GSE1: variants seen among roughly 807,000 people sequenced by gnomAD.
GSE1 encodes the protein Gse1 coiled-coil protein.
In GSE1, 32 loss-of-function variants were observed where a neutral mutation model predicts 112.6. The observed-to-expected ratio is 0.28, with a 90% CI of 0.21 to 0.38. The LOEUF (loss-of-function observed/expected upper bound fraction) is 0.38. GSE1 is among the 10% of genes least tolerant of loss of function. The pLI, the probability that GSE1 is intolerant of heterozygous loss-of-function variation, is 1.00. For synonymous variants in GSE1, 1,115 were observed against 735.6 expected, an observed-to-expected ratio of 1.52 and a Z score of -8.35; for missense variants, 2,348 against 1,699.2, an observed-to-expected ratio of 1.38 and a Z score of -6.71.
intron 1 of GSE1, among the ~76,000 whole-genome samples, chr16:85,279,639 G>A (rs916848223): frequency 3.9e-5 from 6 of 152,104 alleles, no homozygotes; most frequent in African/African-American, 1.2e-4. Context: ...ATCAAACAGT[G>A]ATGTAGCTCT....
intron 1 of GSE1, among the ~76,000 whole-genome samples, chr16:85,302,448 G>GCCCC (rs55673103): frequency 6.7e-6 from 1 of 149,586 alleles, no homozygotes; most frequent in African/African-American, 2.5e-5. Flanking sequence ...ACAGCACACC[G>GCCCC]CCCCCCCCCG....
intron 2 of GSE1, among the ~76,000 whole-genome samples, chr16:85,428,543 A>C (rs1015800541): frequency 6.6e-6 from 1 of 152,200 alleles, no homozygotes; most frequent in African/African-American, 2.4e-5. Context: ...CACTGCTAGC[A>C]GTTTATTCCC....
chr16:85,578,333 G>A (rs1335788792), intron 1 of GSE1, among the ~76,000 whole-genome samples: 2 of 152,106 alleles, frequency 1.3e-5, no homozygotes, highest in African/African-American at 2.4e-5. Flanking sequence ...TGTCCCGAAC[G>A]CCAGGCTCCA....
At chr16:85,604,743 A>AC in intron 1 of GSE1, among the ~76,000 whole-genome samples, 2 of 744 alleles carry the variant, frequency 2.7e-3, no homozygotes, top group Non-Finnish European at 7.8e-3. Context: ...AGATTCTGTC[A>AC]AAAAAAAAAA....
At chr16:85,563,976 C>G (rs1311118161) in intron 1 of GSE1, among the ~76,000 whole-genome samples, 1 of 152,238 alleles carries the variant, frequency 6.6e-6, no homozygotes, top group Non-Finnish European at 1.5e-5. Flanking sequence ...CTCCCCTTCC[C>G]AAGCACCTCC....
chr16:85,337,509 G>T (rs1230647749), intron 1 of GSE1, among the ~76,000 whole-genome samples: 1 of 151,846 alleles, frequency 6.6e-6, no homozygotes, highest in East Asian at 1.9e-4. Context: ...GTTTCACCGT[G>T]TTAGCCAGGA....
Position 85,334,767 on chromosome 16 carries a change from C to T in GSE1, c.2284-22696C>T, listed in dbSNP as rs763064755. On this transcript the variant is annotated intron_variant, in intron 1 of 2. Transcript: ENST00000637419. ...GCCACCCCAAAATATACTTCATCAG[C>T]GTATTCACTGCCGGTTATTCTGAGA... is the stretch of plus-strand genomic sequence containing the variant. Among the ~76,000 whole-genome samples the T allele has an allele frequency of 8.5e-5, 13 of 152,318 alleles. No homozygotes were observed. The East Asian group carries it at 1.5e-3, about 18-fold the overall frequency.
chr16:85,517,142 C>T (rs888721905), intron 2 of GSE1, among the ~76,000 whole-genome samples: 2 of 152,062 alleles, frequency 1.3e-5, no homozygotes, highest in Non-Finnish European at 2.9e-5. Context: ...CTTCTGCCTT[C>T]GTTGTGGGCA....
At chr16:85,505,704 A>C (rs1260749925) in intron 2 of GSE1, among the ~76,000 whole-genome samples, 1 of 151,910 alleles carries the variant, frequency 6.6e-6, no homozygotes, top group Non-Finnish European at 1.5e-5. Flanking sequence ...TCTTCTGGAA[A>C]CTCTGCCTCC....
At chr16:85,366,449 C>T (rs1166684141) in intron 2 of GSE1, among the ~76,000 whole-genome samples, 1 of 152,264 alleles carries the variant, frequency 6.6e-6, no homozygotes, top group Admixed American at 6.5e-5. Flanking sequence ...ATCTATTTAT[C>T]TTCTCTGGAA....
chr16:85,671,439 C>CA (rs1159665909), intron 15 of GSE1, among the ~76,000 whole-genome samples: 2,577 of 61,270 alleles, frequency 0.042, 220 homozygotes, highest in African/African-American at 0.15. Context: ...GACTCCGTCT[C>CA]AAAAAAAAAA....
At chr16:85,563,070 G>T (rs1244005362) in intron 1 of GSE1, among the ~76,000 whole-genome samples, 1 of 152,178 alleles carries the variant, frequency 6.6e-6, no homozygotes, top group Non-Finnish European at 1.5e-5. Flanking sequence ...TGGTCTAGCT[G>T]CAGGATCAGC....
At position 85,373,710 on chromosome 16, in the gene GSE1, G is replaced by A. The variant is rs1203668354; in HGVS notation, c.2464+16067G>A. On this transcript the variant is annotated intron_variant, in intron 2 of 2. Coordinates refer to the GSE1 transcript ENST00000637419. This position sits in a 1 kb window ranked among gnomAD's most constrained non-coding sequence, Gnocchi z 5.1. The stretch of plus-strand genomic sequence containing the variant: ...ATTCTGGAGTGAACAGGTGTGTGGC[G>A]GGTGGGTGGAGGGACGAAAGGGCGA... Among the ~76,000 whole-genome samples, 10 of 152,142 alleles carry A rather than the reference G, an allele frequency of 6.6e-5. No individual in the cohort carries two copies. The highest frequency in any genetic ancestry group is 2.2e-4 in the African/African-American group (9 of 41,422).
chr16:85,199,513 A>G (rs531409571), intron 1 of GSE1, among the ~76,000 whole-genome samples: 282 of 152,358 alleles, frequency 1.9e-3, no homozygotes, highest in African/African-American at 6.6e-3. Flanking sequence ...CAGAGTGTCC[A>G]GCTGCGTTTA....
At chr16:85,506,772 G>A (rs910289179) in intron 2 of GSE1, among the ~76,000 whole-genome samples, 11 of 151,160 alleles carry the variant, frequency 7.3e-5, no homozygotes, top group Middle Eastern at 3.4e-3. Flanking sequence ...TTCATCAGCC[G>A]ATCCGTGAGC....
intron 1 of GSE1, among the ~76,000 whole-genome samples, chr16:85,186,218 C>T (rs537569361): frequency 1.8e-4 from 28 of 152,292 alleles, no homozygotes; most frequent in African/African-American, 6.7e-4. Context: ...CGTCTGTAAT[C>T]CCGGCAGTTT....
rs920148493 is a variant in GSE1, at chr16:85,420,861, C to T, written c.2464+63218C>T. Among the ~76,000 whole-genome samples, 88 of 152,226 alleles carry T rather than the reference C, an allele frequency of 5.8e-4. 1 individual carries two copies. Among genetic ancestry groups the T allele is most frequent in the African/African-American group, 2.0e-3 (85 of 41,544 alleles). On this transcript the variant is annotated intron_variant, in intron 2 of 2. Transcript: ENST00000637419. ...AGCCTGGAGCTGCAGTGCCGCGGGC[C>T]TCCACACGGGGGCGCCCCTACCGGC...
At chr16:85,466,679 A>G (rs2050130705) in intron 2 of GSE1, among the ~76,000 whole-genome samples, 3 of 150,354 alleles carry the variant, frequency 2.0e-5, no homozygotes, top group Admixed American at 6.6e-5. Flanking sequence ...GCAAATTAAA[A>G]AAAAAAAGAA....
At chr16:85,279,025 G>A (rs149678458) in intron 1 of GSE1, 2 of 152,548 alleles carry the variant, frequency 1.3e-5, no homozygotes, top group East Asian at 1.9e-4. Context: ...TTTTGTCAAA[G>A]CACTGGAAGC....
Sources: gnomAD v4.1 joint callset for allele counts (sites outside exome capture counted in the v4.1 genomes callset) on GRCh38, gnomAD v4.1.1 for gene constraint, Gnocchi (gnomAD v3.1) non-coding constraint, MANE v1.5 for transcripts, NCBI Gene and HGNC (gene_info 2026-07-23, HGNC 2026-07-21) for gene names.